Variants in STUM observed in about 807,000 individuals in gnomAD.
STUM encodes protein stum homolog.
Under a neutral mutation model 15.3 loss-of-function variants are expected in STUM, and 8 were observed. The ratio of observed to expected loss-of-function variants is 0.52; its 90% CI spans 0.31 to 0.94. The LOEUF is 0.94. Ranked by LOEUF, STUM falls within the 40% of genes least tolerant of loss-of-function variation. STUM has a pLI of 0.05. For missense variants in STUM, 142 were observed against 204.9 expected (o/e 0.69, Z 1.87); for synonymous variants, 78 against 88.7 (o/e 0.88, Z 0.68).
chr1:226,563,981 G>T (rs986789543), intron 1 of STUM, among the ~76,000 whole-genome samples: 6 of 152,230 alleles, frequency 3.9e-5, no homozygotes, highest in Admixed American at 1.3e-4. Context: ...CACAGGTCAG[G>T]CTTGGCCAAA....
At chr1:226,574,165 T>C (rs1667767078) in intron 1 of STUM, among the ~76,000 whole-genome samples, 2 of 152,196 alleles carry the variant, frequency 1.3e-5, no homozygotes, top group Non-Finnish European at 2.9e-5. Context: ...CTATAGTCCA[T>C]ATGCCATATA....
intron 1 of STUM, among the ~76,000 whole-genome samples, chr1:226,582,982 C>T (rs1667942433): frequency 6.6e-6 from 1 of 152,202 alleles, no homozygotes; most frequent in Non-Finnish European, 1.5e-5. Context: ...TTTCTTTGGT[C>T]AAGCTGGGCT....
chr1:226,566,831 T>A (rs1375343525), intron 1 of STUM, among the ~76,000 whole-genome samples: 1 of 152,188 alleles, frequency 6.6e-6, no homozygotes, highest in Non-Finnish European at 1.5e-5. Flanking sequence ...TTTTGTTAAT[T>A]TGCTATTTTA....
intron 1 of STUM, among the ~76,000 whole-genome samples, chr1:226,576,941 C>A (rs1398679506): frequency 6.6e-6 from 1 of 152,248 alleles, no homozygotes; most frequent in African/African-American, 2.4e-5. Flanking sequence ...AAATGCAACC[C>A]TACTTTCTAC....
In STUM at chr1:226,559,949, G is replaced by T. The variant is rs1435724787; in HGVS notation, c.202+10843G>T. 2.1e-5 allele frequency among the ~76,000 whole-genome samples: 3 copies of T among 145,930 alleles called. No individual in the cohort carries two copies. In the South Asian group the frequency reaches 6.7e-4, roughly 33 times the overall value. On this transcript the variant is annotated intron_variant, in intron 1 of 3. Transcript: ENST00000366788. ...AGATTGCACCACTGCAGTCCAGCCT[G>T]GGCAACAGAGCAAGACTCCGTCTCA...
rs114365235 is a variant in STUM at position 226,574,157 on chromosome 1, A to G, written c.203-22645A>G. On this transcript the variant is annotated intron_variant, in intron 1 of 3. Transcript: ENST00000366788. ...AGCCTACAATATACTTTTAATAACT[A>G]TAGTCCATATGCCATATATTAGATC... Among the ~76,000 whole-genome samples, 400 of 152,240 alleles carry G rather than the reference A, an allele frequency of 2.6e-3. 2 individuals are homozygous for G. Among genetic ancestry groups the G allele is most frequent in the African/African-American group, 9.2e-3 (383 of 41,540 alleles).
chr1:226,600,142 GA>G lies in STUM; in HGVS notation c.383-514del, dbSNP rs200462678. Among the ~76,000 whole-genome samples, 29 of 147,890 alleles carry G rather than the reference GA, an allele frequency of 2.0e-4. No homozygotes were observed. The South Asian group carries it at 3.7e-3, about 19-fold the overall frequency. ...CTGGAGGAAGGCATGAGCTGAGGAT[GA>G]AAAAAAAAAGGCTAGGTGCTGTGGC... On this transcript the variant is annotated intron_variant, in intron 2 of 3. Transcript: ENST00000366788. This position sits in a 1 kb window ranked among gnomAD's most constrained non-coding sequence, Gnocchi z 5.2.
intron 1 of STUM, among the ~76,000 whole-genome samples, chr1:226,588,904 C>A (rs1287794291): frequency 6.6e-6 from 1 of 152,188 alleles, no homozygotes; most frequent in Non-Finnish European, 1.5e-5. Context: ...CCCCAAAGCT[C>A]ACATTCAGGG....
intron 1 of STUM, among the ~76,000 whole-genome samples, chr1:226,554,789 C>T (rs1667421803): frequency 6.6e-6 from 1 of 152,162 alleles, no homozygotes; most frequent in Non-Finnish European, 1.5e-5. Context: ...ATCCATTATC[C>T]CCTCTGACCT....
intron 1 of STUM, among the ~76,000 whole-genome samples, chr1:226,557,168 C>T (rs1051168593): frequency 6.6e-6 from 1 of 152,214 alleles, no homozygotes; most frequent in Non-Finnish European, 1.5e-5. Context: ...AACTACCATT[C>T]GACTCTGTTC....
intron 1 of STUM, among the ~76,000 whole-genome samples, chr1:226,558,421 G>T (rs1434477477): frequency 6.6e-6 from 1 of 152,142 alleles, no homozygotes; most frequent in African/African-American, 2.4e-5. Context: ...TTTTTCAGTA[G>T]CTCAATTCCA....
intron 1 of STUM, among the ~76,000 whole-genome samples, chr1:226,562,217 C>G (rs1164841267): frequency 6.6e-6 from 1 of 152,014 alleles, no homozygotes; most frequent in African/African-American, 2.4e-5. Flanking sequence ...TTCTGTAATC[C>G]TAGCACAGTG....
At chr1:226,575,622 C>A (rs1293328217) in intron 1 of STUM, among the ~76,000 whole-genome samples, 40 of 152,240 alleles carry the variant, frequency 2.6e-4, no homozygotes, top group Non-Finnish European at 7.3e-5. Flanking sequence ...CAGGCCAGGG[C>A]AAACATGAAG....
chr1:226,598,211 G>A (rs1030616832), intron 2 of STUM, among the ~76,000 whole-genome samples: 3 of 152,138 alleles, frequency 2.0e-5, no homozygotes, highest in Admixed American at 6.5e-5. Context: ...AATTGGTCCC[G>A]ACAATTCCAC....
chr1:226,602,029 C>T lies in STUM; in HGVS notation c.415C>T (p.Gln139Ter). 2 of 1,608,286 alleles carry T rather than the reference C, an allele frequency of 1.2e-6. No individual in the cohort carries two copies. Among genetic ancestry groups the T allele is most frequent in the Non-Finnish European group, 1.7e-6 (2 of 1,179,850 alleles). Reference sequence around the variant, plus strand: ...AGGCTACAAGGAGCAGGGCATCCCACAGCAGCTGTGAGCCCACGGGAGCCG... The same window carrying T: ...AGGCTACAAGGAGCAGGGCATCCCATAGCAGCTGTGAGCCCACGGGAGCCG... ...SQGYKEQGIP[Q>*]QL The change falls in exon 4 of 4, where the codon CAG becomes TAG. Residue 139 changes from glutamine to a stop codon, truncating the protein, a stop_gained. Coordinates refer to ENST00000366788, the MANE Select transcript of STUM (RefSeq NM_001003665.4). LOFTEE classifies it high-confidence loss of function.
At position 226,603,895 on chromosome 1, in the gene STUM, G is replaced by A. The variant is rs888101084; in HGVS notation, c.*1855G>A. The stretch of plus-strand genomic sequence containing the variant: ...AAGCCTCTGTATCTTCAAGGTGTGG[G>A]AACAGATTTGGTTTTCTCTAAAAAG... On this transcript the variant is annotated 3_prime_UTR_variant, in exon 4 of 4. Transcript: ENST00000366788. 2.0e-5 allele frequency: 3 copies of A among 152,384 alleles called. No individual in the cohort carries two copies. Among genetic ancestry groups the A allele is most frequent in the African/African-American group, 7.2e-5 (3 of 41,458 alleles). 9.4% of individuals were successfully genotyped at this position (152,384 alleles called of 1,614,324 possible).
At chr1:226,592,863 G>C (rs1668111515) in intron 1 of STUM, among the ~76,000 whole-genome samples, 1 of 152,156 alleles carries the variant, frequency 6.6e-6, no homozygotes, top group African/African-American at 2.4e-5. Context: ...TCTCATCCCA[G>C]TTCATCTTTC....
chr1:226,578,359 C>CTTTTTT (rs34568214), intron 1 of STUM, among the ~76,000 whole-genome samples: 4 of 67,254 alleles, frequency 5.9e-5, no homozygotes, highest in Non-Finnish European at 7.8e-5. Flanking sequence ...CAACCCCCAG[C>CTTTTTT]TTTTTTTTTT....
At chr1:226,559,149 T>A (rs1265601042) in intron 1 of STUM, among the ~76,000 whole-genome samples, 1 of 152,222 alleles carries the variant, frequency 6.6e-6, no homozygotes, top group Non-Finnish European at 1.5e-5. Flanking sequence ...CTGGAATTTG[T>A]AGGGGCCATG....
Sources: gnomAD v4.1 joint callset for allele counts (sites outside exome capture counted in the v4.1 genomes callset) on GRCh38, gnomAD v4.1.1 for gene constraint, Gnocchi (gnomAD v3.1) non-coding constraint, MANE v1.5 for transcripts, NCBI Gene and HGNC (gene_info 2026-07-23, HGNC 2026-07-21) for gene names.